The following ARHGAP32 variants were observed in gnomAD, a reference collection of about 807,000 sequenced individuals.
The protein encoded by ARHGAP32 is rho GTPase-activating protein 32.
ARHGAP32 carries 51 observed loss-of-function variants against 186.5 expected under a neutral mutation model. The observed-to-expected ratio is 0.27, with a 90% CI of 0.22 to 0.35. The LOEUF (loss-of-function observed/expected upper bound fraction) is 0.35, where lower values mean the gene tolerates loss of function less well. ARHGAP32 is among the 10% of genes least tolerant of loss of function. ARHGAP32 has a pLI of 1.00. For missense variants in ARHGAP32, 2,186 were observed against 2,623.5 expected, an observed-to-expected ratio of 0.83 and a Z score of 3.64; for synonymous variants, 950 against 964.3, an observed-to-expected ratio of 0.99 and a Z score of 0.27.
At chr11:129,125,922 T>C (rs1942649047) in intron 2 of ARHGAP32, 1 of 440,846 alleles carries the variant, frequency 2.3e-6, no homozygotes. Flanking sequence ...CTAGATTCTT[T>C]AGTAATGAAA....
At chr11:129,125,911 A>C in intron 2 of ARHGAP32, 1 of 443,158 alleles carries the variant, frequency 2.3e-6, no homozygotes, top group Non-Finnish European at 4.5e-6. Context: ...ACAGAGTATT[A>C]CTAGATTCTT....
At chr11:129,178,125 A>G (rs1257058219) in intron 1 of ARHGAP32, among the ~76,000 whole-genome samples, 2 of 151,632 alleles carry the variant, frequency 1.3e-5, no homozygotes, top group Non-Finnish European at 2.9e-5. Context: ...TACAAAAATC[A>G]CAAGCATTCT....
chr11:129,164,118 T>C (rs961972549), intron 2 of ARHGAP32, among the ~76,000 whole-genome samples: 1 of 152,118 alleles, frequency 6.6e-6, no homozygotes, highest in Non-Finnish European at 1.5e-5. Flanking sequence ...ACTGTATTTT[T>C]ACCACTCTGT....
intron 10 of ARHGAP32, among the ~76,000 whole-genome samples, chr11:129,048,480 T>C (rs1409850418): frequency 4.2e-5 from 4 of 95,980 alleles, no homozygotes; most frequent in African/African-American, 1.5e-4. Context: ...AAAGTATCTA[T>C]TTTTTTTTTT....
At chr11:129,174,456 TGC>T (rs1195087066) in intron 1 of ARHGAP32, among the ~76,000 whole-genome samples, 2 of 152,188 alleles carry the variant, frequency 1.3e-5, no homozygotes, top group Admixed American at 1.3e-4. Context: ...CAAGGAGGCC[TGC>T]CTGCCTCTGT....
chr11:129,144,820 A>T (rs574427946), intron 2 of ARHGAP32, among the ~76,000 whole-genome samples: 23 of 152,310 alleles, frequency 1.5e-4, no homozygotes, highest in African/African-American at 5.5e-4. Flanking sequence ...GTGTTGCCTT[A>T]AACTTCACTT....
At chr11:129,066,609 G>T in intron 7 of ARHGAP32, 122 bp downstream of exon 7, 1 of 815,900 alleles carries the variant, frequency 1.2e-6, no homozygotes, top group Non-Finnish European at 1.8e-6. Context: ...TTATGAAACA[G>T]GCAAGTAGTC....
At position 129,171,218 on chromosome 11, in the gene ARHGAP32, T is replaced by G. The variant is rs947281681; in HGVS notation, c.117-6791A>C. Among the ~76,000 whole-genome samples the G allele has an allele frequency of 1.1e-4, 17 of 152,380 alleles. 1 individual carries two copies. Among genetic ancestry groups the G allele is most frequent in the African/African-American group, 3.8e-4 (16 of 41,594 alleles). On this transcript the variant is annotated intron_variant, in intron 1 of 22. Coordinates refer to ENST00000682385, the MANE Select transcript of ARHGAP32 (RefSeq NM_001378024.1). ...TTTTGGCTCTTATTGCAATTGCTTT[T>G]GGCATTTTTGTTATGAAGACTTTGC...
intron 1 of ARHGAP32, among the ~76,000 whole-genome samples, chr11:129,177,785 T>G (rs945472187): frequency 6.6e-6 from 1 of 152,114 alleles, no homozygotes; most frequent in African/African-American, 2.4e-5. Flanking sequence ...ATGGGACATA[T>G]CTCAAAATAA....
At position 128,974,072 on chromosome 11, in the gene ARHGAP32, G is replaced by T. The variant is rs1207515098; in HGVS notation, c.3073+52C>A. ...CTTAAAAGGCACAGATGGCACACAG[G>T]ATTGAAGATCCCTCTTAACTTAAAG... On this transcript the variant is annotated intron_variant, in intron 21 of 22. Coordinates refer to ENST00000682385, the MANE Select transcript of ARHGAP32 (RefSeq NM_001378024.1). The T allele has an allele frequency of 3.2e-6, 5 of 1,586,434 alleles. No homozygotes were observed. The East Asian group carries it at 9.0e-5, about 28-fold the overall frequency.
At chr11:129,162,568 A>G (rs569543094) in intron 2 of ARHGAP32, among the ~76,000 whole-genome samples, 2 of 152,220 alleles carry the variant, frequency 1.3e-5, no homozygotes, top group Admixed American at 1.3e-4. Context: ...ACATTAATTC[A>G]GTAAAACCTG....
chr11:129,145,608 TAAC>T (rs1209632468), intron 2 of ARHGAP32, among the ~76,000 whole-genome samples: 1 of 152,118 alleles, frequency 6.6e-6, no homozygotes, highest in Non-Finnish European at 1.5e-5. Flanking sequence ...CCAGATCACC[TAAC>T]AACTTAAAGA....
intron 11 of ARHGAP32, among the ~76,000 whole-genome samples, chr11:129,032,724 T>A (rs1939167173): frequency 6.6e-6 from 1 of 152,144 alleles, no homozygotes. Context: ...TTCATCTGGA[T>A]GGAAAAAATA....
rs906542413 is a variant in ARHGAP32 at position 129,095,768 on chromosome 11, G to A, written c.445-2061C>T. Among the ~76,000 whole-genome samples the A allele has an allele frequency of 3.3e-5, 5 of 152,300 alleles. No homozygotes were observed. In the East Asian group the frequency reaches 7.7e-4, roughly 24 times the overall value. On this transcript the variant is annotated intron_variant, in intron 5 of 22. Transcript: ENST00000682385. ...TCTCCAGAGGCACAAAATACTGGGGGAAAGAACTGGACAGACAAGAGAATA... is the reference window on the plus strand; with the variant it reads ...TCTCCAGAGGCACAAAATACTGGGGAAAAGAACTGGACAGACAAGAGAATA...
At chr11:129,242,348 C>A (rs1348220386) in intron 1 of ARHGAP32, among the ~76,000 whole-genome samples, 2 of 152,150 alleles carry the variant, frequency 1.3e-5, no homozygotes, top group African/African-American at 4.8e-5. Flanking sequence ...AGCTGTTACA[C>A]TCACTTATGG....
intron 2 of ARHGAP32, among the ~76,000 whole-genome samples, chr11:129,131,586 C>T (rs574771690): frequency 7.9e-5 from 12 of 151,954 alleles, no homozygotes; most frequent in Non-Finnish European, 1.2e-4. Flanking sequence ...TTTTAAGCAA[C>T]CAGATCTCGT....
chr11:129,056,507 A>G (rs962049028), intron 10 of ARHGAP32, among the ~76,000 whole-genome samples: 3 of 152,192 alleles, frequency 2.0e-5, no homozygotes, highest in African/African-American at 7.2e-5. Flanking sequence ...TTGGCCTCCC[A>G]AAGTGCTAGG....
chr11:128,969,100 T>A lies in ARHGAP32; in HGVS notation c.6113A>T (p.Asp2038Val). The stretch of plus-strand genomic sequence containing the variant: ...CAGGGAGTGGTAATCTTCCAGGTTA[T>A]CATACTGGGACACAACAGTCACACT... ...QSSVTVVSQY[D>V]NLEDYHSLPQ... The change falls in exon 23 of 23, where the codon GAT (aspartate) becomes GTT (valine). Residue 2038 changes from aspartate to valine, a missense_variant. Asp to Val is a radical substitution (Grantham distance 152). This residue lies in a region of ARHGAP32 where 1,502 missense variants were observed against 1,570.0 expected (regional missense o/e 0.96). Transcript: ENST00000682385. The surrounding 1 kb of genome is among the most constrained non-coding windows in gnomAD (Gnocchi z 4.8). 1 of 1,605,760 alleles carries A rather than the reference T, an allele frequency of 6.2e-7. No homozygotes were observed. The highest frequency in any genetic ancestry group is 8.5e-7 in the Non-Finnish European group (1 of 1,174,140).
At chr11:129,192,815 A>G (rs1241594541), upstream of ARHGAP32, among the ~76,000 whole-genome samples, 2 of 152,212 alleles carry the variant, frequency 1.3e-5, no homozygotes, top group East Asian at 3.9e-4. Flanking sequence ...AGTGAGACAT[A>G]AAAGCTGGGC....
Sources: gnomAD v4.1 joint callset for allele counts (sites outside exome capture counted in the v4.1 genomes callset) on GRCh38, gnomAD v4.1.1 for gene constraint, gnomAD v4.1.1 regional missense constraint, Gnocchi (gnomAD v3.1) non-coding constraint, MANE v1.5 for transcripts, NCBI Gene and HGNC (gene_info 2026-07-23, HGNC 2026-07-21) for gene names.